The following ARMC9 variants were observed in gnomAD, a reference collection of about 807,000 sequenced individuals.
ARMC9 encodes the protein armadillo repeat containing 9, also known as lisH domain-containing protein ARMC9.
ARMC9 carries 94 observed loss-of-function variants against 107.0 expected under a neutral mutation model. The ratio of observed to expected loss-of-function variants is 0.88; its 90% CI spans 0.74 to 1.04. The LOEUF (loss-of-function observed/expected upper bound fraction) is 1.04, where lower values mean the gene tolerates loss of function less well. ARMC9 is among the 50% of genes least tolerant of loss of function. The pLI is 0.00. For synonymous variants in ARMC9, 380 were observed against 396.9 expected, an observed-to-expected ratio of 0.96 and a Z score of 0.51; for missense variants, 942 against 1,030.1, an observed-to-expected ratio of 0.91 and a Z score of 1.17.
chr2:231,254,051 G>A (rs893435398), intron 9 of ARMC9, among the ~76,000 whole-genome samples: 1 of 152,156 alleles, frequency 6.6e-6, no homozygotes, highest in East Asian at 1.9e-4. Context: ...CTTACATGAC[G>A]CAGCACAGCT....
At chr2:231,336,488 G>A (rs547307347) in intron 20 of ARMC9, among the ~76,000 whole-genome samples, 4 of 152,328 alleles carry the variant, frequency 2.6e-5, no homozygotes, top group African/African-American at 4.8e-5. Flanking sequence ...AGCGCTGGCC[G>A]TTGTCAGGTG....
intron 20 of ARMC9, among the ~76,000 whole-genome samples, chr2:231,341,919 T>C (rs1391592029): frequency 5.3e-5 from 8 of 152,320 alleles, no homozygotes; most frequent in Admixed American, 4.6e-4. Context: ...TCTGTAACAC[T>C]GATGAAAGCC....
chr2:231,239,497 A>G (rs2036084368), intron 8 of ARMC9, among the ~76,000 whole-genome samples: 1 of 152,242 alleles, frequency 6.6e-6, no homozygotes, highest in Non-Finnish European at 1.5e-5. Flanking sequence ...GGCTGTTACA[A>G]TAAAGGTGTG....
At chr2:231,241,970 G>T (rs1347210995) in intron 9 of ARMC9, among the ~76,000 whole-genome samples, 1 of 152,030 alleles carries the variant, frequency 6.6e-6, no homozygotes, top group African/African-American at 2.4e-5. Context: ...AATATTTCCT[G>T]CATCCAAAAC....
At chr2:231,198,953 C>T (rs1334413327) in intron 1 of ARMC9, 1 of 152,256 alleles carries the variant, frequency 6.6e-6, no homozygotes, top group Non-Finnish European at 1.5e-5. Context: ...CAAGTAGTCC[C>T]TGATCTTTGC....
At chr2:231,287,957 A>G (rs1312578389) in intron 17 of ARMC9, among the ~76,000 whole-genome samples, 1 of 152,222 alleles carries the variant, frequency 6.6e-6, no homozygotes, top group African/African-American at 2.4e-5. Context: ...AGTAGTTGAG[A>G]GTGGGTACTC....
At chr2:231,361,490 A>C (rs1575184867) in intron 23 of ARMC9, among the ~76,000 whole-genome samples, 2 of 146,370 alleles carry the variant, frequency 1.4e-5, no homozygotes, top group African/African-American at 2.5e-5. Context: ...AAAAAACTGG[A>C]CCCCCGAGCA....
chr2:231,308,181 G>A (rs1037007334), intron 19 of ARMC9, among the ~76,000 whole-genome samples: 2 of 152,210 alleles, frequency 1.3e-5, no homozygotes, highest in African/African-American at 2.4e-5. Flanking sequence ...AGCTTAGTGC[G>A]GCAACACAGC....
At chr2:231,249,647 G>A (rs554127847) in intron 9 of ARMC9, among the ~76,000 whole-genome samples, 7 of 152,268 alleles carry the variant, frequency 4.6e-5, no homozygotes, top group Non-Finnish European at 7.4e-5. Context: ...CCTACCCAAA[G>A]GTTCCAGAGA....
intron 1 of ARMC9, among the ~76,000 whole-genome samples, chr2:231,203,189 G>A (rs961006089): frequency 6.6e-5 from 10 of 151,928 alleles, no homozygotes; most frequent in African/African-American, 1.7e-4. Context: ...TGACCATTTC[G>A]GAACCTCCAC....
chr2:231,288,846 C>T (rs2040795823), intron 17 of ARMC9: 1 of 374,516 alleles, frequency 2.7e-6, no homozygotes, highest in Non-Finnish European at 5.5e-6. Context: ...AGTCAGACAT[C>T]TGCACATGAC....
At chr2:231,223,401 G>A (rs1376840243) in intron 6 of ARMC9, among the ~76,000 whole-genome samples, 1 of 152,150 alleles carries the variant, frequency 6.6e-6, no homozygotes, top group Non-Finnish European at 1.5e-5. Flanking sequence ...GGTGACAGGT[G>A]TAAATAGAGC....
At chr2:231,315,439 T>G (rs34417283) in intron 19 of ARMC9, among the ~76,000 whole-genome samples, 2 of 151,878 alleles carry the variant, frequency 1.3e-5, no homozygotes, top group East Asian at 3.9e-4. Context: ...CTCAGGAGGC[T>G]GAGGCAGGAG....
chr2:231,352,201 A>G (rs2125588377), intron 21 of ARMC9, among the ~76,000 whole-genome samples: 1 of 152,130 alleles, frequency 6.6e-6, no homozygotes, highest in African/African-American at 2.4e-5. Flanking sequence ...AGTTCAAGCA[A>G]TCCTCCTACC....
At chr2:231,252,550 A>G (rs2037396942) in intron 9 of ARMC9, among the ~76,000 whole-genome samples, 1 of 152,216 alleles carries the variant, frequency 6.6e-6, no homozygotes, top group Non-Finnish European at 1.5e-5. Flanking sequence ...GCTCCCAGCC[A>G]TGCTAATATT....
intron 6 of ARMC9, 136 bp from the exon 7 acceptor site, chr2:231,226,638 T>G: frequency 2.0e-6 from 2 of 1,001,014 alleles, no homozygotes. Context: ...ACAGCAACAG[T>G]TGGAGCTGGC....
chr2:231,360,786 C>T lies in ARMC9; in HGVS notation c.2164C>T (p.Pro722Ser). 6.5e-7 allele frequency: 1 copy of T among 1,536,152 alleles called. No homozygotes were observed. The highest frequency in any genetic ancestry group is 8.7e-7 in the Non-Finnish European group (1 of 1,146,912). The change falls in exon 23 of 25, where the codon CCA becomes TCA. Residue 722 changes from proline to serine, a missense_variant. Transcript: ENST00000611582. This position sits in a 1 kb window ranked among gnomAD's most constrained non-coding sequence, Gnocchi z 4.7. ...CATCGCCAAGCCAGGAGAGTGGCTCCCAAGAGGACGCCAGGAAGAGCCTCG... is the reference window on the plus strand; with the variant it reads ...CATCGCCAAGCCAGGAGAGTGGCTCTCAAGAGGACGCCAGGAAGAGCCTCG... ...AIIAKPGEWL[P>S]RGRQEEPRPA...
At chr2:231,335,251 C>T (rs2125564255) in intron 20 of ARMC9, among the ~76,000 whole-genome samples, 1 of 152,324 alleles carries the variant, frequency 6.6e-6, no homozygotes, top group Non-Finnish European at 1.5e-5. Flanking sequence ...AGTCCCAGAC[C>T]ACTGAATCTG....
chr2:231,331,924 C>A, intron 20 of ARMC9, 27 bp downstream of exon 20: 1 of 1,571,314 alleles, frequency 6.4e-7, no homozygotes, highest in Non-Finnish European at 8.7e-7. Flanking sequence ...GGGTGGGGAT[C>A]CTGAAACAGA....
Sources: allele counts gnomAD v4.1 joint callset (sites outside exome capture counted in the v4.1 genomes callset), GRCh38; gene constraint gnomAD v4.1.1; non-coding constraint Gnocchi (gnomAD v3.1); transcripts MANE v1.5; gene names NCBI Gene and HGNC (gene_info 2026-07-23, HGNC 2026-07-21).